Variants in RPSA2 observed in about 807,000 individuals in gnomAD.
The protein encoded by RPSA2 is small ribosomal subunit protein uS2B.
chr19:23,855,913 G>T, the RPSA2 span, among the ~76,000 whole-genome samples: 1 of 152,110 alleles, frequency 6.6e-6, no homozygotes, highest in Non-Finnish European at 1.5e-5. Flanking sequence ...TTTGGAGAGG[G>T]AAGAGTTAGC....
At chr19:23,765,486 A>G in the RPSA2 span, among the ~76,000 whole-genome samples, 1 of 152,182 alleles carries the variant, frequency 6.6e-6, no homozygotes, top group Non-Finnish European at 1.5e-5. Flanking sequence ...TGTCCATTGC[A>G]GGAATGTGGA....
the RPSA2 span, among the ~76,000 whole-genome samples, chr19:23,843,933 A>T: frequency 1.3e-5 from 2 of 151,956 alleles, no homozygotes; most frequent in Middle Eastern, 6.8e-3. Flanking sequence ...CTAATTTTGT[A>T]TTTTTAGTAG....
chr19:23,807,541 C>G, the RPSA2 span, among the ~76,000 whole-genome samples: 1 of 152,116 alleles, frequency 6.6e-6, no homozygotes, highest in Non-Finnish European at 1.5e-5. Flanking sequence ...AAATATAGTA[C>G]TCAAAAATGT....
chr19:23,858,531 A>T, the RPSA2 span, among the ~76,000 whole-genome samples: 1 of 152,220 alleles, frequency 6.6e-6, no homozygotes, highest in Non-Finnish European at 1.5e-5. Flanking sequence ...GCAGATAGTG[A>T]GTGCAAGGAA....
the RPSA2 span, among the ~76,000 whole-genome samples, chr19:23,816,626 A>G: frequency 6.6e-6 from 1 of 152,092 alleles, no homozygotes; most frequent in Non-Finnish European, 1.5e-5. Flanking sequence ...TTATCTTTAT[A>G]ATCATGTTGT....
the RPSA2 span, among the ~76,000 whole-genome samples, chr19:23,856,874 A>T: frequency 1.3e-5 from 2 of 152,158 alleles, no homozygotes; most frequent in Non-Finnish European, 2.9e-5. Flanking sequence ...TCAAAGGGCA[A>T]TATCAGAAAC....
At chr19:23,854,903 C>T in the RPSA2 span, among the ~76,000 whole-genome samples, 148,187 of 152,286 alleles carry the variant, frequency 0.97, 72,183 homozygotes, top group Middle Eastern at 1. Flanking sequence ...TTGGATGGAA[C>T]GAATGGCCAT....
the RPSA2 span, among the ~76,000 whole-genome samples, chr19:23,779,963 G>C: frequency 6.6e-6 from 1 of 152,136 alleles, no homozygotes; most frequent in African/African-American, 2.4e-5. Flanking sequence ...CATATCAGTG[G>C]CCCAGCATCC....
At chr19:23,868,179 A>C in the RPSA2 span, among the ~76,000 whole-genome samples, 26 of 152,282 alleles carry the variant, frequency 1.7e-4, no homozygotes, top group African/African-American at 5.3e-4. Flanking sequence ...ATTCCTAAAA[A>C]CTGGCCTCTT....
chr19:23,843,527 T>G, the RPSA2 span, among the ~76,000 whole-genome samples: 1 of 152,230 alleles, frequency 6.6e-6, no homozygotes, highest in Admixed American at 6.5e-5. Context: ...TCTTTATGGC[T>G]TATAAGGTAC....
At chr19:23,862,781 G>T in the RPSA2 span, among the ~76,000 whole-genome samples, 1 of 151,518 alleles carries the variant, frequency 6.6e-6, no homozygotes, top group Admixed American at 6.6e-5. Flanking sequence ...AACAGTCCTG[G>T]GGACAAACTT....
the RPSA2 span, among the ~76,000 whole-genome samples, chr19:23,868,296 G>T: frequency 6.6e-6 from 1 of 152,124 alleles, no homozygotes; most frequent in Admixed American, 6.5e-5. Flanking sequence ...CATGCTACAA[G>T]CCAAATGGGT....
chr19:23,849,058 C>A, the RPSA2 span, among the ~76,000 whole-genome samples: 1 of 152,200 alleles, frequency 6.6e-6, no homozygotes, highest in African/African-American at 2.4e-5. Context: ...TGAGCTCGAA[C>A]CAACATTTCA....
the RPSA2 span, among the ~76,000 whole-genome samples, chr19:23,786,734 G>C: frequency 6.6e-6 from 1 of 151,876 alleles, no homozygotes; most frequent in Non-Finnish European, 1.5e-5. Flanking sequence ...CAGATTACTG[G>C]CCTAGCATCT....
At chr19:23,870,675 ATGT>A in the RPSA2 span, among the ~76,000 whole-genome samples, 5 of 152,170 alleles carry the variant, frequency 3.3e-5, no homozygotes, top group Non-Finnish European at 7.3e-5. Flanking sequence ...TCTGGGAATA[ATGT>A]TGTTCTGTCT....
the RPSA2 span, among the ~76,000 whole-genome samples, chr19:23,806,702 T>C: frequency 6.7e-6 from 1 of 150,058 alleles, no homozygotes; most frequent in Non-Finnish European, 1.5e-5. Flanking sequence ...GGAAAATCAC[T>C]TGAACCTTGA....
the RPSA2 span, among the ~76,000 whole-genome samples, chr19:23,839,407 C>A: frequency 6.6e-6 from 1 of 152,090 alleles, no homozygotes; most frequent in South Asian, 2.1e-4. Flanking sequence ...CAGTCACAGG[C>A]CTCACTCAGC....
the RPSA2 span, among the ~76,000 whole-genome samples, chr19:23,869,921 C>A: frequency 6.6e-6 from 1 of 152,090 alleles, no homozygotes; most frequent in Non-Finnish European, 1.5e-5. Flanking sequence ...GCAGCTAAGG[C>A]GGACCAGCTC....
chr19:23,794,350 C>G, the RPSA2 span, among the ~76,000 whole-genome samples: 148,768 of 152,244 alleles, frequency 0.98, 72,787 homozygotes, highest in Middle Eastern at 1. Flanking sequence ...TTCTCTGCAA[C>G]CCTGACAGCA....
Sources: allele counts gnomAD v4.1 joint callset (sites outside exome capture counted in the v4.1 genomes callset), GRCh38; gene constraint gnomAD v4.1.1; transcripts MANE v1.5; gene names NCBI Gene and HGNC (gene_info 2026-07-23, HGNC 2026-07-21).